The following NPAS3 variants were observed in gnomAD, a reference collection of about 807,000 sequenced individuals.
NPAS3 encodes the protein neuronal PAS domain protein 3.
NPAS3 carries 14 observed loss-of-function variants against 73.1 expected under a neutral mutation model. The observed-to-expected ratio is 0.19, with a 90% CI of 0.13 to 0.30. NPAS3 has a LOEUF of 0.30. NPAS3 is among the 10% of genes least tolerant of loss of function. NPAS3 has a pLI of 1.00. For synonymous variants in NPAS3, 620 were observed against 541.5 expected, an observed-to-expected ratio of 1.14 and a Z score of -2.01; for missense variants, 1,096 against 1,250.0, an observed-to-expected ratio of 0.88 and a Z score of 1.86.
chr14:33,644,830 C>A, intron 5 of NPAS3, among the ~76,000 whole-genome samples: 1 of 152,062 alleles, frequency 6.6e-6, no homozygotes, highest in Non-Finnish European at 1.5e-5. Flanking sequence ...TGCCTGTAAT[C>A]CCAGCACTTT....
intron 3 of NPAS3, among the ~76,000 whole-genome samples, chr14:33,249,566 C>G (rs1304613716): frequency 6.6e-6 from 1 of 152,140 alleles, no homozygotes; most frequent in African/African-American, 2.4e-5. Context: ...TTGTTTTGCT[C>G]TTTCAAGGAT....
intron 6 of NPAS3, among the ~76,000 whole-genome samples, chr14:33,731,397 T>G: frequency 7.4e-6 from 1 of 135,256 alleles, no homozygotes; most frequent in South Asian, 2.3e-4. Flanking sequence ...CCAGCCTGAG[T>G]GACAGAGGAA....
chr14:33,282,055 A>G (rs2041646284), intron 3 of NPAS3, among the ~76,000 whole-genome samples: 1 of 152,194 alleles, frequency 6.6e-6, no homozygotes, highest in South Asian at 2.1e-4. Flanking sequence ...CCACAAAAGA[A>G]TGGCCAAGAA....
At chr14:33,301,331 T>A (rs200207563) in intron 3 of NPAS3, among the ~76,000 whole-genome samples, 6,778 of 127,088 alleles carry the variant, frequency 0.053, 1,494 homozygotes, top group East Asian at 0.21. Flanking sequence ...TATTTTTTTT[T>A]TTTAAATCTA....
chr14:33,385,629 A>G (rs17100912), intron 4 of NPAS3, among the ~76,000 whole-genome samples: 2,314 of 152,282 alleles, frequency 0.015, 65 homozygotes, highest in African/African-American at 0.053. Context: ...GCCAGTGAGC[A>G]CATCAGGGTG....
chr14:33,636,569 G>A (rs2058522513), intron 5 of NPAS3, among the ~76,000 whole-genome samples: 1 of 152,138 alleles, frequency 6.6e-6, no homozygotes, highest in Admixed American at 6.5e-5. Context: ...GTGGTATGTG[G>A]CAGCATGGGA....
intron 5 of NPAS3, among the ~76,000 whole-genome samples, chr14:33,582,358 G>A (rs1410837738): frequency 6.6e-6 from 1 of 152,212 alleles, no homozygotes; most frequent in African/African-American, 2.4e-5. Context: ...GCTTGGTTAT[G>A]TTTCCTGAAG....
chr14:32,935,898 A>T (rs2035680597), upstream of NPAS3, among the ~76,000 whole-genome samples: 1 of 152,186 alleles, frequency 6.6e-6, no homozygotes, highest in Admixed American at 6.5e-5. Context: ...ATGAAAGGTA[A>T]ACTCCCCATT....
chr14:33,648,871 C>G (rs753381894), intron 5 of NPAS3, among the ~76,000 whole-genome samples: 26 of 152,184 alleles, frequency 1.7e-4, no homozygotes, highest in Non-Finnish European at 3.5e-4. Context: ...TTGTCAATGT[C>G]CCATTGGTGC....
At chr14:33,153,385 A>G (rs1159629197) in intron 2 of NPAS3, among the ~76,000 whole-genome samples, 2 of 152,032 alleles carry the variant, frequency 1.3e-5, no homozygotes, top group Non-Finnish European at 2.9e-5. Flanking sequence ...GGGAACTCCA[A>G]TGTCTGTTAT....
intron 3 of NPAS3, among the ~76,000 whole-genome samples, chr14:33,296,182 C>T (rs1218048899): frequency 1.3e-5 from 2 of 152,188 alleles, no homozygotes; most frequent in Admixed American, 1.3e-4. Flanking sequence ...GACTTTCCTT[C>T]TGCCATGTAA....
chr14:32,946,346 G>GCACACACA (rs5807694), intron 1 of NPAS3, among the ~76,000 whole-genome samples: 209 of 131,962 alleles, frequency 1.6e-3, no homozygotes, highest in African/African-American at 4.0e-3. Context: ...ACACACACAC[G>GCACACACA]CGCACACACA....
At chr14:33,429,087 T>C (rs1342045583) in intron 4 of NPAS3, among the ~76,000 whole-genome samples, 1 of 152,146 alleles carries the variant, frequency 6.6e-6, no homozygotes, top group Non-Finnish European at 1.5e-5. Context: ...AGAGTGTTCC[T>C]AGTATATTTG....
chr14:33,595,772 G>A (rs369238092), intron 5 of NPAS3, among the ~76,000 whole-genome samples: 29 of 152,202 alleles, frequency 1.9e-4, no homozygotes, highest in South Asian at 1.0e-3. Context: ...CCGGGTTCAC[G>A]CCATTCTCCT....
At chr14:33,678,586 C>CTGAT (rs1452639633) in intron 6 of NPAS3, among the ~76,000 whole-genome samples, 1 of 152,268 alleles carries the variant, frequency 6.6e-6, no homozygotes, top group East Asian at 1.9e-4. Flanking sequence ...TAGATATATT[C>CTGAT]TGATTAGTGC....
intron 1 of NPAS3, among the ~76,000 whole-genome samples, chr14:32,976,725 A>C (rs1472461015): frequency 1.3e-5 from 2 of 152,230 alleles, no homozygotes; most frequent in African/African-American, 4.8e-5. Flanking sequence ...CAAAAGATTG[A>C]GGACAAAAAG....
chr14:33,328,977 T>C lies in NPAS3; in HGVS notation c.386-38209T>C, dbSNP rs907310163. 4.6e-5 allele frequency among the ~76,000 whole-genome samples: 7 copies of C among 152,208 alleles called. 1 individual carries two copies. In the East Asian group the frequency reaches 1.3e-3, roughly 29 times the overall value. On this transcript the variant is annotated intron_variant, in intron 3 of 11. Transcript: ENST00000356141. ...GTAACTCAAGATATTTTTAGTAGCA[T>C]ATTATTTAAGTTCCTAACATGTAAG... is the stretch of plus-strand genomic sequence containing the variant.
At chr14:33,287,580 A>T (rs1010493358) in intron 3 of NPAS3, among the ~76,000 whole-genome samples, 3 of 152,040 alleles carry the variant, frequency 2.0e-5, no homozygotes, top group Non-Finnish European at 4.4e-5. Context: ...AATTCTCTCC[A>T]TATTTACTTA....
At chr14:33,630,835 C>T (rs1412586783) in intron 5 of NPAS3, among the ~76,000 whole-genome samples, 1 of 152,144 alleles carries the variant, frequency 6.6e-6, no homozygotes, top group Non-Finnish European at 1.5e-5. Context: ...CACATCTAAC[C>T]TCAAACAAAG....
Sources: gnomAD v4.1 joint callset for allele counts (sites outside exome capture counted in the v4.1 genomes callset) on GRCh38, gnomAD v4.1.1 for gene constraint, MANE v1.5 for transcripts, NCBI Gene and HGNC (gene_info 2026-07-23, HGNC 2026-07-21) for gene names.